Variants in PHF24 observed in about 807,000 individuals in gnomAD.
PHF24 encodes Galpha inhibitory interacting protein.
Under a neutral mutation model 42.6 loss-of-function variants are expected in PHF24, and 25 were observed. That is an observed-to-expected ratio of 0.59 (90% CI 0.43 to 0.82). PHF24 has a LOEUF of 0.82. Ranked by LOEUF, PHF24 falls within the 40% of genes least tolerant of loss-of-function variation. PHF24 has a pLI of 0.00. For missense variants in PHF24, 470 were observed against 538.1 expected, an observed-to-expected ratio of 0.87 and a Z score of 1.25; for synonymous variants, 185 against 204.8, an observed-to-expected ratio of 0.90 and a Z score of 0.83.
chr9:34,964,049 C>A (rs1826686397), intron 1 of PHF24, among the ~76,000 whole-genome samples: 1 of 152,228 alleles, frequency 6.6e-6, no homozygotes, highest in African/African-American at 2.4e-5. Context: ...CTTTAATTCA[C>A]ATGCTCTGTG....
At chr9:34,807,627 A>G in the PHF24 span, among the ~76,000 whole-genome samples, 1 of 152,212 alleles carries the variant, frequency 6.6e-6, no homozygotes, top group Non-Finnish European at 1.5e-5. Context: ...CCACTGAGAG[A>G]GTCTTTAGAA....
the PHF24 span, among the ~76,000 whole-genome samples, chr9:34,789,618 T>C: frequency 6.6e-6 from 1 of 152,164 alleles, no homozygotes; most frequent in African/African-American, 2.4e-5. Flanking sequence ...GGCATGGAAC[T>C]TCTGTGTGGA....
At chr9:34,861,981 A>G in the PHF24 span, among the ~76,000 whole-genome samples, 1 of 152,208 alleles carries the variant, frequency 6.6e-6, no homozygotes, top group African/African-American at 2.4e-5. Flanking sequence ...GAGGCTGGGA[A>G]GTTCAAGATC....
chr9:34,818,884 TAGTCTTC>T, the PHF24 span, among the ~76,000 whole-genome samples: 1 of 152,322 alleles, frequency 6.6e-6, no homozygotes, highest in South Asian at 2.1e-4. Flanking sequence ...TGGTAGGTAG[TAGTCTTC>T]CTTCAGTGTT....
the PHF24 span, chr9:34,834,705 G>A: frequency 1.2e-5 from 18 of 1,544,858 alleles, no homozygotes; most frequent in Non-Finnish European, 1.5e-5. Flanking sequence ...CCCCACTGAA[G>A]CTGGAGTTGC....
the PHF24 span, among the ~76,000 whole-genome samples, chr9:34,826,727 T>C: frequency 9.4e-6 from 1 of 106,416 alleles, no homozygotes; most frequent in Non-Finnish European, 2.3e-5. Flanking sequence ...CTCTAGAAGG[T>C]TGGGGCCATT....
the PHF24 span, chr9:34,689,782 T>C: frequency 6.2e-6 from 10 of 1,613,550 alleles, no homozygotes; most frequent in African/African-American, 1.3e-4. The surrounding 1 kb of genome is among the most constrained non-coding windows in gnomAD (Gnocchi z 4.1). Flanking sequence ...TCACAATGCT[T>C]GACTCGGACT....
the PHF24 span, among the ~76,000 whole-genome samples, chr9:34,828,733 G>T: frequency 6.6e-6 from 1 of 152,002 alleles, no homozygotes; most frequent in Non-Finnish European, 1.5e-5. Context: ...TCCTCTCTTT[G>T]CTTTCAGTAC....
At chr9:34,831,775 G>A in the PHF24 span, among the ~76,000 whole-genome samples, 1 of 152,126 alleles carries the variant, frequency 6.6e-6, no homozygotes, top group African/African-American at 2.4e-5. Flanking sequence ...CATTCCAGGA[G>A]GCTTTCATTT....
the PHF24 span, among the ~76,000 whole-genome samples, chr9:34,936,480 C>T: frequency 6.6e-6 from 1 of 152,006 alleles, no homozygotes; most frequent in African/African-American, 2.4e-5. Flanking sequence ...CAGCCTCTGC[C>T]CGGCCGCCAC....
the PHF24 span, among the ~76,000 whole-genome samples, chr9:34,916,012 C>T: frequency 2.6e-5 from 4 of 152,048 alleles, no homozygotes; most frequent in African/African-American, 7.2e-5. Context: ...TGCCTTCGTT[C>T]GGCACTCATT....
the PHF24 span, among the ~76,000 whole-genome samples, chr9:34,887,293 A>G: frequency 1.3e-5 from 2 of 152,100 alleles, no homozygotes; most frequent in Non-Finnish European, 2.9e-5. Flanking sequence ...CAATGCTCTT[A>G]TTTTTAGCAC....
chr9:34,854,031 T>A, the PHF24 span, among the ~76,000 whole-genome samples: 1 of 152,092 alleles, frequency 6.6e-6, no homozygotes, highest in Non-Finnish European at 1.5e-5. Flanking sequence ...CAGGAATTTA[T>A]CCATTTCTTC....
At chr9:34,886,361 T>A in the PHF24 span, among the ~76,000 whole-genome samples, 33,410 of 151,964 alleles carry the variant, frequency 0.22, 3,973 homozygotes, top group East Asian at 0.49. Context: ...CCAACTGCTC[T>A]TCTTCCATTA....
the PHF24 span, among the ~76,000 whole-genome samples, chr9:34,777,955 G>A: frequency 6.6e-6 from 1 of 152,204 alleles, no homozygotes. Context: ...AGAAGTCTGT[G>A]GTGGTAATGT....
At chr9:34,780,430 G>C in the PHF24 span, among the ~76,000 whole-genome samples, 7 of 150,686 alleles carry the variant, frequency 4.6e-5, no homozygotes, top group Non-Finnish European at 8.9e-5. Context: ...CCGAGTACAG[G>C]AGCACACCAC....
the PHF24 span, among the ~76,000 whole-genome samples, chr9:34,717,776 A>C: frequency 2.6e-5 from 4 of 152,016 alleles, no homozygotes; most frequent in Admixed American, 2.6e-4. Context: ...GGTCTGTTAG[A>C]TGGGTTCTGT....
chr9:34,835,231 G>A, the PHF24 span: 2 of 1,552,244 alleles, frequency 1.3e-6, no homozygotes, highest in South Asian at 1.2e-5. Context: ...ACCAGGTCTG[G>A]AGGGAAATGG....
the PHF24 span, among the ~76,000 whole-genome samples, chr9:34,720,308 G>A: frequency 7.2e-5 from 11 of 152,078 alleles, no homozygotes; most frequent in Admixed American, 2.6e-4. Context: ...AGCTGGGTGC[G>A]GTGGCGGGCG....
Sources: allele counts gnomAD v4.1 joint callset (sites outside exome capture counted in the v4.1 genomes callset), GRCh38; gene constraint gnomAD v4.1.1; non-coding constraint Gnocchi (gnomAD v3.1); transcripts MANE v1.5; gene names NCBI Gene and HGNC (gene_info 2026-07-23, HGNC 2026-07-21).